Variants in RNF20 observed in about 807,000 individuals in gnomAD.
RNF20 encodes ring finger protein 20, also known as E3 ubiquitin-protein ligase BRE1A.
RNF20 carries 84 observed loss-of-function variants against 126.2 expected under a neutral mutation model. The ratio of observed to expected loss-of-function variants is 0.67; its 90% CI spans 0.56 to 0.80. The LOEUF is 0.80. Among genes scored for constraint, RNF20 ranks in the 30% least tolerant of loss-of-function variants. The pLI is 0.00. For missense variants in RNF20, 869 were observed against 1,188.2 expected (o/e 0.73, Z 3.95); for synonymous variants, 400 against 414.3 (o/e 0.97, Z 0.42).
intron 2 of RNF20, among the ~76,000 whole-genome samples, chr9:101,537,517 T>G (rs1827202179): frequency 6.6e-6 from 1 of 151,392 alleles, no homozygotes; most frequent in Non-Finnish European, 1.5e-5. Flanking sequence ...GCTAAAGCTG[T>G]ATATTTGGGA....
chr9:101,537,492 T>C (rs1827201893), intron 2 of RNF20, among the ~76,000 whole-genome samples: 1 of 152,120 alleles, frequency 6.6e-6, no homozygotes, highest in Admixed American at 6.6e-5. Context: ...AGCTGGATAC[T>C]AGAGAGAGGT....
intron 2 of RNF20, among the ~76,000 whole-genome samples, chr9:101,536,306 A>C (rs1371873962): frequency 6.6e-6 from 1 of 152,212 alleles, no homozygotes; most frequent in Non-Finnish European, 1.5e-5. Flanking sequence ...CTTTTTTGAA[A>C]ATCAGACATG....
In RNF20 at chr9:101,550,735, C is replaced by G; in HGVS notation, c.1222C>G (p.Leu408Val). ...LKAHLDEART[L>V]LHGTRGTHQH... ...AGCACACTTGGATGAGGCTCGGACC[C>G]TGCTTCATGGCACCAGAGGAACCCA... The change falls in exon 10 of 20, where the codon CTG (leucine) becomes GTG (valine). Residue 408 changes from leucine to valine, a missense_variant. Physicochemically the swap from Leu to Val is conservative, Grantham distance 32. Coordinates refer to ENST00000389120, the MANE Select transcript of RNF20 (RefSeq NM_019592.7). The G allele has an allele frequency of 3.7e-6, 6 of 1,614,186 alleles. No homozygotes were observed. The highest frequency in any genetic ancestry group is 2.2e-5 in the South Asian group (2 of 91,088).
intron 12 of RNF20, 56 bp from the exon 13 acceptor site, chr9:101,552,327 G>T: frequency 6.2e-7 from 1 of 1,612,284 alleles, no homozygotes; most frequent in Non-Finnish European, 8.5e-7. Flanking sequence ...TTTGAATGAG[G>T]TCGGCAATGT....
chr9:101,560,759 T>A (rs772309930), intron 16 of RNF20, 42 bp from the exon 17 acceptor site: 9 of 1,563,326 alleles, frequency 5.8e-6, no homozygotes, highest in Non-Finnish European at 7.8e-6. Context: ...TTTCTTTTTT[T>A]AATCTTTTCA....
chr9:101,553,542 A>G (rs904282597), intron 13 of RNF20, among the ~76,000 whole-genome samples: 3 of 152,010 alleles, frequency 2.0e-5, no homozygotes, highest in Non-Finnish European at 4.4e-5. Flanking sequence ...CAGACTTTCA[A>G]ATTTTTCCCT....
At position 101,540,879 on chromosome 9, in the gene RNF20, G is replaced by T; in HGVS notation, c.532G>T (p.Val178Leu). 2 of 1,613,964 alleles carry T rather than the reference G, an allele frequency of 1.2e-6. No individual in the cohort carries two copies. The highest frequency in any genetic ancestry group is 1.3e-5 in the African/African-American group (1 of 75,004). The part of the protein sequence containing the change: ...EEMESQLQER[V>L]ESSRRAVSQI... The stretch of plus-strand genomic sequence containing the variant: ...GATGGAGTCTCAGCTGCAGGAACGT[G>T]TGGAGTCTTCCCGCCGAGCCGTGTC... Residue 178 changes from valine (V) to leucine (L), a missense_variant, in exon 5 of 20, where the codon GTG becomes TTG. Val to Leu is a conservative substitution (Grantham distance 32, BLOSUM62 1). This residue lies in a region of RNF20 where 157 missense variants were observed against 236.0 expected (regional missense o/e 0.67). Transcript: ENST00000389120.
chr9:101,549,067 C>T (rs201617222), intron 9 of RNF20, among the ~76,000 whole-genome samples: 1 of 152,114 alleles, frequency 6.6e-6, no homozygotes, highest in Non-Finnish European at 1.5e-5. Context: ...TGGGTCTCTC[C>T]CTGTGTGCGG....
intron 15 of RNF20, 147 bp from the exon 16 acceptor site, chr9:101,557,237 A>G (rs1050473611): frequency 3.2e-6 from 2 of 616,802 alleles, no homozygotes; most frequent in East Asian, 2.8e-5. Flanking sequence ...GAGCTTCTGT[A>G]TGCCTAGTGA....
chr9:101,557,991 G>T (rs1392317971), intron 16 of RNF20, among the ~76,000 whole-genome samples: 1 of 151,220 alleles, frequency 6.6e-6, no homozygotes, highest in African/African-American at 2.4e-5. Context: ...AGGTTAGGAG[G>T]TATGTGTGAT....
chr9:101,556,783 A>T (rs539288510), intron 15 of RNF20, among the ~76,000 whole-genome samples: 2 of 152,204 alleles, frequency 1.3e-5, no homozygotes, highest in Non-Finnish European at 2.9e-5. Flanking sequence ...AACTTTTATT[A>T]CAAAGAAGGC....
Position 101,540,524 on chromosome 9 carries a change from A to G in RNF20, c.332A>G (p.Tyr111Cys), listed in dbSNP as rs1419618380. Reference sequence around the variant, plus strand: ...AACATCCGTATCATCCTTAAACGTTATGATCTGGAGCAGGGCTTGGGAGAC... The same window carrying G: ...AACATCCGTATCATCCTTAAACGTTGTGATCTGGAGCAGGGCTTGGGAGAC... Reference protein sequence around the residue: ...DENIRIILKRYDLEQGLGDLL... With the variant: ...DENIRIILKRCDLEQGLGDLL... Residue 111 changes from tyrosine (Y) to cysteine (C), a missense_variant, in exon 4 of 20, where the codon TAT becomes TGT. Tyr to Cys is a radical substitution (Grantham distance 194, BLOSUM62 -2). Around this residue, in one of 8 missense-constraint regions of RNF20, gnomAD observed 157 missense variants for 236.0 expected, o/e 0.67. Coordinates refer to ENST00000389120, the MANE Select transcript of RNF20 (RefSeq NM_019592.7). 6.2e-7 allele frequency: 1 copy of G among 1,614,046 alleles called. No individual in the cohort carries two copies. Among genetic ancestry groups the G allele is most frequent in the Middle Eastern group, 1.6e-4 (1 of 6,062 alleles).
In RNF20 at chr9:101,551,730, A is replaced by G; in HGVS notation, c.1319A>G (p.Gln440Arg). 6.2e-7 allele frequency: 1 copy of G among 1,601,738 alleles called. No individual in the cohort carries two copies. The highest frequency in any genetic ancestry group is 8.5e-7 in the Non-Finnish European group (1 of 1,174,182). The change falls in exon 11 of 20, where the codon CAG becomes CGG. Residue 440 changes from glutamine to arginine, a missense_variant. Gln to Arg is a conservative substitution (Grantham distance 43, BLOSUM62 1). Transcript: ENST00000389120. ...LHKKLRTEVI[Q>R]LEDTLAQVRK... ...AAGAAGCTGAGGACTGAAGTAATTC[A>G]GCTAGAAGATACATTGGCCCAGGTC...
rs959866517 is a variant in RNF20, at chr9:101,563,146, T to C, written c.*724T>C. On this transcript the variant is annotated 3_prime_UTR_variant, in exon 20 of 20. Transcript: ENST00000389120. ...CTAATGAAATAAAGATTGAAGAGGT[T>C]GAGTCAGGACTGAGCTGGTGAAGAA... The C allele has an allele frequency of 6.6e-6, 1 of 152,624 alleles. No homozygotes were observed. The highest frequency in any genetic ancestry group is 1.5e-5 in the Non-Finnish European group (1 of 68,034). The allele number at this position is 152,624 out of a possible 1,614,324, so 9.5% of individuals were successfully genotyped here.
chr9:101,559,394 C>T (rs750240449), intron 16 of RNF20, among the ~76,000 whole-genome samples: 2 of 151,928 alleles, frequency 1.3e-5, no homozygotes, highest in African/African-American at 4.8e-5. Context: ...TTTTTTGGTT[C>T]CATATGCGTT....
In RNF20 at chr9:101,552,575, GAGA is replaced by G; in HGVS notation, c.1726_1728del (p.Lys576del). ...AGAAGAACGAGAACGAGAAAGGAGG[GAGA>G]AGGAGAGGGAACGAGAAAGAGAACG... On this transcript the variant is annotated inframe_deletion, in exon 13 of 20. Coordinates refer to ENST00000389120, the MANE Select transcript of RNF20 (RefSeq NM_019592.7). 2.5e-6 allele frequency: 4 copies of G among 1,603,380 alleles called. No homozygotes were observed. Among genetic ancestry groups the G allele is most frequent in the Non-Finnish European group, 2.6e-6 (3 of 1,170,310 alleles).
intron 1 of RNF20, among the ~76,000 whole-genome samples, chr9:101,535,074 AT>A (rs1403882082): frequency 2.0e-4 from 31 of 151,534 alleles, no homozygotes; most frequent in African/African-American, 7.0e-4. Context: ...CGCCTGGCTA[AT>A]TTTTTGTATT....
chr9:101,554,456 T>C (rs557718013), intron 14 of RNF20, among the ~76,000 whole-genome samples: 6 of 152,170 alleles, frequency 3.9e-5, no homozygotes, highest in Non-Finnish European at 8.8e-5. Flanking sequence ...ACCACTATTC[T>C]AAAGAAAGTT....
chr9:101,561,883 T>C, intron 18 of RNF20, 27 bp from the exon 19 acceptor site: 1 of 1,456,758 alleles, frequency 6.9e-7, no homozygotes, highest in Non-Finnish European at 9.6e-7. Flanking sequence ...GGTAAGTGTG[T>C]CTAATGGGTA....
Sources: gnomAD v4.1 joint callset for allele counts (sites outside exome capture counted in the v4.1 genomes callset) on GRCh38, gnomAD v4.1.1 for gene constraint, gnomAD v4.1.1 regional missense constraint, MANE v1.5 for transcripts, NCBI Gene and HGNC (gene_info 2026-07-23, HGNC 2026-07-21) for gene names.